The following SPON1 variants were observed in gnomAD, a reference collection of about 807,000 sequenced individuals.
SPON1 encodes the protein spondin-1.
SPON1 carries 52 observed loss-of-function variants against 111.7 expected under a neutral mutation model. The ratio of observed to expected loss-of-function variants is 0.47; its 90% CI spans 0.37 to 0.59. The LOEUF (loss-of-function observed/expected upper bound fraction) is 0.59, where lower values mean the gene tolerates loss of function less well. Ranked by LOEUF, SPON1 falls within the 20% of genes least tolerant of loss-of-function variation. The pLI, the probability that SPON1 is intolerant of heterozygous loss-of-function variation, is 0.00. For synonymous variants in SPON1, 410 were observed against 395.8 expected, an observed-to-expected ratio of 1.04 and a Z score of -0.43; for missense variants, 957 against 1,068.5, an observed-to-expected ratio of 0.90 and a Z score of 1.46.
rs369560786 is a variant in SPON1 at position 14,254,569 on chromosome 11, G to A, written c.932G>A (p.Arg311His). Residue 311 changes from arginine to histidine, a missense_variant, in exon 8 of 16, where the codon CGC becomes CAC. Arg to His is a conservative substitution (Grantham distance 29). Around this residue, in one of 5 missense-constraint regions of SPON1, gnomAD observed 122 missense variants for 143.2 expected, o/e 0.85. Coordinates refer to ENST00000576479, the MANE Select transcript of SPON1 (RefSeq NM_006108.4). ...PSAEFSVDRT[R>H]HLMSFLTMMG... ...GCTGAATTTTCCGTGGACAGAACGCGCCATTTAATGTCCTTCCTGACCATG... is the reference window on the plus strand; with the variant it reads ...GCTGAATTTTCCGTGGACAGAACGCACCATTTAATGTCCTTCCTGACCATG... The A allele has an allele frequency of 4.0e-5, 64 of 1,612,872 alleles. No homozygotes were observed. Among genetic ancestry groups the A allele is most frequent in the East Asian group, 2.9e-4 (13 of 44,890 alleles).
intron 5 of SPON1, among the ~76,000 whole-genome samples, chr11:14,105,441 C>A (rs1849177223): frequency 6.6e-6 from 1 of 152,094 alleles, no homozygotes; most frequent in Admixed American, 6.6e-5. Flanking sequence ...CTCCTTCCTG[C>A]CCCTTCCTGC....
At chr11:14,172,772 G>A (rs566387986) in intron 6 of SPON1, among the ~76,000 whole-genome samples, 134 of 151,970 alleles carry the variant, frequency 8.8e-4, no homozygotes, top group African/African-American at 3.0e-3. Flanking sequence ...GGCTGGTTAT[G>A]AAATTCTGGG....
chr11:14,147,013 G>T (rs1591388761), intron 6 of SPON1, among the ~76,000 whole-genome samples: 1 of 102,902 alleles, frequency 9.7e-6, no homozygotes, highest in South Asian at 3.6e-4. Flanking sequence ...AAACATGAAA[G>T]AACCTTTTTT....
At chr11:14,004,653 A>G (rs542574057) in intron 2 of SPON1, among the ~76,000 whole-genome samples, 1 of 152,266 alleles carries the variant, frequency 6.6e-6, no homozygotes, top group Admixed American at 6.5e-5. Context: ...ATGTCTGTTC[A>G]GGTTATTTGC....
Position 14,228,004 on chromosome 11 carries a change from A to T in SPON1, c.826-15328A>T, listed in dbSNP as rs1848759043. 6.6e-6 allele frequency among the ~76,000 whole-genome samples: 1 copy of T among 152,232 alleles called. No homozygotes were observed. The highest frequency in any genetic ancestry group is 2.4e-5 in the African/African-American group (1 of 41,462). On this transcript the variant is annotated intron_variant, in intron 6 of 15. Transcript: ENST00000576479. This position sits in a 1 kb window ranked among gnomAD's most constrained non-coding sequence, Gnocchi z 4.2. ...TCCTTATGCTTATAGCTCTCTTAAG[A>T]TGATAAAAACAAAATAGTGATACTA...
intron 3 of SPON1, among the ~76,000 whole-genome samples, chr11:14,067,256 A>G (rs1353437871): frequency 6.6e-6 from 1 of 152,196 alleles, no homozygotes; most frequent in Non-Finnish European, 1.5e-5. Context: ...GGGACCAGAC[A>G]GAGCCTGACT....
At chr11:14,010,363 A>G (rs1349723988) in intron 2 of SPON1, among the ~76,000 whole-genome samples, 1 of 152,086 alleles carries the variant, frequency 6.6e-6, no homozygotes, top group Non-Finnish European at 1.5e-5. Context: ...TTAAGGGCAG[A>G]CTGGGAGCTC....
At chr11:14,087,684 G>A (rs910180477) in intron 5 of SPON1, among the ~76,000 whole-genome samples, 7 of 152,142 alleles carry the variant, frequency 4.6e-5, no homozygotes, top group Non-Finnish European at 1.0e-4. Context: ...CTGAATTAAA[G>A]TCCCGAATAT....
chr11:14,225,370 A>T (rs894447511), intron 6 of SPON1, among the ~76,000 whole-genome samples: 3 of 152,052 alleles, frequency 2.0e-5, no homozygotes, highest in Non-Finnish European at 4.4e-5. Flanking sequence ...ATGTTTTTTT[A>T]AAAAAACAAA....
intron 5 of SPON1, among the ~76,000 whole-genome samples, chr11:14,122,455 G>C (rs947377244): frequency 6.6e-6 from 1 of 152,216 alleles, no homozygotes; most frequent in Non-Finnish European, 1.5e-5. Context: ...TTACAGGCGT[G>C]AGCCACTGTG....
intron 6 of SPON1, among the ~76,000 whole-genome samples, chr11:14,188,154 C>T (rs1396539059): frequency 6.6e-6 from 1 of 152,080 alleles, no homozygotes; most frequent in Admixed American, 6.5e-5. Context: ...GTGACCCACC[C>T]ACCTCAGTAT....
At chr11:13,969,395 A>T (rs1848045406) in intron 1 of SPON1, among the ~76,000 whole-genome samples, 2 of 152,074 alleles carry the variant, frequency 1.3e-5, no homozygotes, top group South Asian at 4.2e-4. Context: ...AAAAGAAGGG[A>T]AAAAGAGCAG....
chr11:14,265,804 G>T lies in SPON1; in HGVS notation c.*117G>T. ...CGCTAGTTTTCATTTTTGCAGTGTGGTTCGCCCAGTAGTCTTGTGGATGCC... is the reference window on the plus strand; with the variant it reads ...CGCTAGTTTTCATTTTTGCAGTGTGTTTCGCCCAGTAGTCTTGTGGATGCC... On this transcript the variant is annotated 3_prime_UTR_variant, in exon 16 of 16. Coordinates refer to ENST00000576479, the MANE Select transcript of SPON1 (RefSeq NM_006108.4). The T allele has an allele frequency of 8.2e-7, 1 of 1,213,394 alleles. No individual in the cohort carries two copies. The highest frequency in any genetic ancestry group is 1.1e-6 in the Non-Finnish European group (1 of 873,302). 75.2% of individuals were successfully genotyped at this position (1,213,394 alleles called of 1,614,324 possible).
chr11:14,044,277 TAAAATACAGA>T (rs1390807813), intron 3 of SPON1, among the ~76,000 whole-genome samples: 51 of 152,122 alleles, frequency 3.4e-4, no homozygotes, highest in Admixed American at 1.9e-3. Context: ...CAAAAAGTAG[TAAAATACAGA>T]AAAATACAGA....
intron 6 of SPON1, among the ~76,000 whole-genome samples, chr11:14,171,018 T>A (rs1848092402): frequency 6.6e-6 from 1 of 152,242 alleles, no homozygotes; most frequent in South Asian, 2.1e-4. Flanking sequence ...TAAAATGAGT[T>A]AGGGAGGATT....
At chr11:14,086,190 G>A (rs1340935027) in intron 5 of SPON1, among the ~76,000 whole-genome samples, 1 of 152,134 alleles carries the variant, frequency 6.6e-6, no homozygotes. Context: ...ATGTTAAATG[G>A]GAGTGGTGAG....
chr11:14,236,911 G>A (rs1342570945), intron 6 of SPON1, among the ~76,000 whole-genome samples: 3 of 152,222 alleles, frequency 2.0e-5, no homozygotes, highest in Non-Finnish European at 2.9e-5. Context: ...GCTGTCAGAG[G>A]AGAGGTGAGT....
chr11:14,231,125 C>CT (rs1206681358), intron 6 of SPON1, among the ~76,000 whole-genome samples: 6 of 147,634 alleles, frequency 4.1e-5, no homozygotes, highest in African/African-American at 1.2e-4. Context: ...CACTTTTTTT[C>CT]TTTTTTTTCT....
intron 6 of SPON1, among the ~76,000 whole-genome samples, chr11:14,208,826 T>C (rs1554936425): frequency 2.0e-5 from 3 of 152,334 alleles, no homozygotes; most frequent in African/African-American, 7.2e-5. Flanking sequence ...TCTACTGTTC[T>C]ATATGCCTGG....
Sources: allele counts gnomAD v4.1 joint callset (sites outside exome capture counted in the v4.1 genomes callset), GRCh38; gene constraint gnomAD v4.1.1; regional missense constraint gnomAD v4.1.1; non-coding constraint Gnocchi (gnomAD v3.1); transcripts MANE v1.5; gene names NCBI Gene and HGNC (gene_info 2026-07-23, HGNC 2026-07-21).